STIM1: variants seen among roughly 807,000 people sequenced by gnomAD.
STIM1 encodes stromal interaction molecule 1.
A neutral mutation model predicts 74.7 loss-of-function variants in STIM1; 25 were observed. The ratio of observed to expected loss-of-function variants is 0.33; its 90% CI spans 0.24 to 0.47. The LOEUF is 0.47. STIM1 is among the 20% of genes least tolerant of loss of function. The probability of loss-of-function intolerance (pLI) is 1.00; values close to 1 mark genes in which losing one functional copy is unlikely to be tolerated. For missense variants in STIM1, 728 were observed against 920.8 expected, an observed-to-expected ratio of 0.79 and a Z score of 2.71; for synonymous variants, 328 against 348.8, an observed-to-expected ratio of 0.94 and a Z score of 0.66.
At chr11:3,925,165 T>C (rs1195090310) in intron 1 of STIM1, among the ~76,000 whole-genome samples, 2 of 152,186 alleles carry the variant, frequency 1.3e-5, no homozygotes, top group Admixed American at 6.6e-5. Flanking sequence ...GGGAGGCCGA[T>C]GCAGGTGGAT....
chr11:3,878,104 G>C (rs1590518101), intron 1 of STIM1, among the ~76,000 whole-genome samples: 1 of 152,300 alleles, frequency 6.6e-6, no homozygotes, highest in Non-Finnish European at 1.5e-5. Flanking sequence ...TCTAGGAGTG[G>C]AATCAGTAAG....
intron 2 of STIM1, among the ~76,000 whole-genome samples, chr11:4,006,340 A>G (rs1386755653): frequency 6.6e-6 from 1 of 152,180 alleles, no homozygotes. Context: ...TGCTTCCTGT[A>G]CAGCCTGCGG....
intron 1 of STIM1, among the ~76,000 whole-genome samples, chr11:3,962,642 C>G (rs2093299614): frequency 6.6e-6 from 1 of 151,972 alleles, no homozygotes; most frequent in Non-Finnish European, 1.5e-5. Flanking sequence ...TAATTTTGGT[C>G]CTTTGGGAGA....
At chr11:3,921,217 A>G (rs1590566896) in intron 1 of STIM1, among the ~76,000 whole-genome samples, 1 of 152,230 alleles carries the variant, frequency 6.6e-6, no homozygotes, top group Non-Finnish European at 1.5e-5. Context: ...ATTTTGATTT[A>G]GCATCCCCAA....
intron 4 of STIM1, among the ~76,000 whole-genome samples, chr11:4,056,220 T>A: frequency 6.6e-6 from 1 of 152,184 alleles, no homozygotes; most frequent in Non-Finnish European, 1.5e-5. Flanking sequence ...CTGATTGCCA[T>A]TGGCCCCAGC....
intron 1 of STIM1, among the ~76,000 whole-genome samples, chr11:3,860,733 T>G (rs577238461): frequency 6.6e-6 from 1 of 152,326 alleles, no homozygotes; most frequent in Non-Finnish European, 1.5e-5. Flanking sequence ...TGGTGGGTTA[T>G]TAGTAGAACT....
In STIM1 at chr11:4,083,279, G is replaced by A; in HGVS notation, c.1255G>A (p.Val419Met). The A allele has an allele frequency of 3.7e-6, 6 of 1,614,188 alleles. No individual in the cohort carries two copies. Among genetic ancestry groups the A allele is most frequent in the South Asian group, 1.1e-5 (1 of 91,092 alleles). The change falls in exon 10 of 13, where the codon GTG (valine) becomes ATG (methionine). Residue 419 changes from valine (V) to methionine (M), a missense_variant. Physicochemically the swap from Val to Met is conservative, Grantham distance 21 (BLOSUM62 1). Around this residue, in one of 5 missense-constraint regions of STIM1, gnomAD observed 131 missense variants for 235.9 expected, o/e 0.56. Transcript: ENST00000526596. ...ILTAKQALSE[V>M]TAALRERLHR... Reference sequence around the variant, plus strand: ...TGTCTTCAGGCAAGCACTGAGCGAGGTGACAGCAGCATTGCGGGAGCGCCT... The same window carrying A: ...TGTCTTCAGGCAAGCACTGAGCGAGATGACAGCAGCATTGCGGGAGCGCCT...
At chr11:4,060,663 C>G (rs2094324536) in intron 5 of STIM1, among the ~76,000 whole-genome samples, 1 of 152,178 alleles carries the variant, frequency 6.6e-6, no homozygotes, top group South Asian at 2.1e-4. Context: ...AATGGCCTTC[C>G]AGTCATTCAC....
At chr11:4,060,894 G>T (rs1321459100) in intron 5 of STIM1, among the ~76,000 whole-genome samples, 1 of 152,210 alleles carries the variant, frequency 6.6e-6, no homozygotes, top group East Asian at 1.9e-4. Flanking sequence ...TATGGAGAAA[G>T]TAATTCTTGA....
chr11:4,038,286 C>T (rs2094120379), intron 3 of STIM1, among the ~76,000 whole-genome samples: 4 of 152,182 alleles, frequency 2.6e-5, no homozygotes, highest in Admixed American at 6.5e-5. Context: ...CCGCCTACCT[C>T]GGCTTCCCAA....
intron 10 of STIM1, among the ~76,000 whole-genome samples, chr11:4,084,390 A>T (rs2094481107): frequency 6.6e-6 from 1 of 152,306 alleles, no homozygotes; most frequent in South Asian, 2.1e-4. Context: ...TTGTAATTTT[A>T]TCAATAATAC....
chr11:3,914,414 T>C (rs1330741783), intron 1 of STIM1, among the ~76,000 whole-genome samples: 2 of 152,208 alleles, frequency 1.3e-5, no homozygotes, highest in African/African-American at 2.4e-5. Context: ...ACATGCTAGT[T>C]ACATGTACTT....
At chr11:4,014,404 G>A (rs1238506389) in intron 2 of STIM1, among the ~76,000 whole-genome samples, 1 of 152,152 alleles carries the variant, frequency 6.6e-6, no homozygotes, top group Non-Finnish European at 1.5e-5. Context: ...ATTGCACTGT[G>A]GTCTGAGAGA....
At position 3,887,538 on chromosome 11, in the gene STIM1, A is replaced by G. The variant is rs114274218; in HGVS notation, c.139+31129A>G. Among the ~76,000 whole-genome samples the G allele has an allele frequency of 8.0e-3, 1,224 of 152,316 alleles. 15 individuals carry two copies. The highest frequency in any genetic ancestry group is 0.031 in the Middle Eastern group (9 of 294). On this transcript the variant is annotated intron_variant, in intron 1 of 12. Coordinates refer to ENST00000526596, the MANE Select transcript of STIM1 (RefSeq NM_001382567.1). The stretch of plus-strand genomic sequence containing the variant: ...TGGGATTAGGTAAACCTACCTTTAA[A>G]AAGGCATTGAGACAGGGCCTGGTTA...
intron 1 of STIM1, among the ~76,000 whole-genome samples, chr11:3,952,078 A>G (rs981714594): frequency 2.6e-5 from 4 of 152,158 alleles, no homozygotes; most frequent in African/African-American, 4.8e-5. Flanking sequence ...ACACAGGGGA[A>G]TACCAGAAGA....
chr11:3,896,690 G>C (rs866762339), intron 1 of STIM1, among the ~76,000 whole-genome samples: 6 of 152,202 alleles, frequency 3.9e-5, no homozygotes, highest in African/African-American at 1.2e-4. Context: ...CCAAATAATT[G>C]GTGGTGGGGG....
chr11:4,057,597 G>A lies in STIM1; in HGVS notation c.498-1684G>A, dbSNP rs536247311. Reference sequence around the variant, plus strand: ...TCTAGAAAGTCGCACTAGGCCGGGTGCAGTGGCTCACACCTGTAATCCCAG... The same window carrying A: ...TCTAGAAAGTCGCACTAGGCCGGGTACAGTGGCTCACACCTGTAATCCCAG... On this transcript the variant is annotated intron_variant, in intron 4 of 12. Coordinates refer to ENST00000526596, the MANE Select transcript of STIM1 (RefSeq NM_001382567.1). Among the ~76,000 whole-genome samples, 98 of 152,284 alleles carry A rather than the reference G, an allele frequency of 6.4e-4. 1 individual carries two copies. The highest frequency in any genetic ancestry group is 2.3e-3 in the African/African-American group (96 of 41,562).
At chr11:4,054,204 G>A (rs923276067) in intron 3 of STIM1, among the ~76,000 whole-genome samples, 1 of 152,206 alleles carries the variant, frequency 6.6e-6, no homozygotes, top group African/African-American at 2.4e-5. Flanking sequence ...CAGTAGATGT[G>A]AGAGGAGGAG....
At chr11:3,857,403 A>C (rs1178277152) in intron 1 of STIM1, among the ~76,000 whole-genome samples, 5 of 151,748 alleles carry the variant, frequency 3.3e-5, no homozygotes, top group Admixed American at 3.3e-4. Flanking sequence ...CACAAGAGCC[A>C]CTGGGCCTGG....
Sources: gnomAD v4.1 joint callset for allele counts (sites outside exome capture counted in the v4.1 genomes callset) on GRCh38, gnomAD v4.1.1 for gene constraint, gnomAD v4.1.1 regional missense constraint, MANE v1.5 for transcripts, NCBI Gene and HGNC (gene_info 2026-07-23, HGNC 2026-07-21) for gene names.